MYO5B: variants seen among roughly 807,000 people sequenced by gnomAD.
MYO5B encodes unconventional myosin-Vb.
In MYO5B, 143 loss-of-function variants were observed where a neutral mutation model predicts 229.3. The ratio of observed to expected loss-of-function variants is 0.62; its 90% CI spans 0.54 to 0.72. The LOEUF (loss-of-function observed/expected upper bound fraction) is 0.72. Ranked by LOEUF, MYO5B falls within the 30% of genes least tolerant of loss-of-function variation. The probability of loss-of-function intolerance (pLI) is 0.00; values close to 1 mark genes in which losing one functional copy is unlikely to be tolerated. For synonymous variants in MYO5B, 918 were observed against 885.2 expected (o/e 1.04, Z -0.66); for missense variants, 2,321 against 2,331.0 (o/e 1.00, Z 0.09).
At chr18:49,972,074 C>A (rs2144276979) in intron 10 of MYO5B, among the ~76,000 whole-genome samples, 1 of 152,194 alleles carries the variant, frequency 6.6e-6, no homozygotes, top group East Asian at 1.9e-4. Flanking sequence ...TCAAAGGAGC[C>A]CGGAAGCCAC....
intron 4 of MYO5B, among the ~76,000 whole-genome samples, chr18:50,023,664 A>C (rs1218069818): frequency 1.3e-5 from 2 of 152,240 alleles, no homozygotes; most frequent in Non-Finnish European, 2.9e-5. Flanking sequence ...GGAAGAGTTT[A>C]GCTTAGAGAA....
At chr18:49,849,728 G>C (rs1358874297) in intron 31 of MYO5B, 68 bp from the exon 32 acceptor site, 1 of 1,304,236 alleles carries the variant, frequency 7.7e-7, no homozygotes. Context: ...GTAAAATCCT[G>C]CTTGCAGTTG....
chr18:49,978,041 A>T (rs2025771348), intron 9 of MYO5B, among the ~76,000 whole-genome samples: 1 of 152,134 alleles, frequency 6.6e-6, no homozygotes, highest in Admixed American at 6.5e-5. Flanking sequence ...ATTGCAGAAC[A>T]ATGGAAGACC....
At chr18:50,115,636 C>G (rs1263872151) in intron 1 of MYO5B, among the ~76,000 whole-genome samples, 1 of 151,794 alleles carries the variant, frequency 6.6e-6, no homozygotes, top group Non-Finnish European at 1.5e-5. Context: ...TGATCAAATC[C>G]CCTTATGGTG....
rs149168886 is a variant in MYO5B, at chr18:49,898,574, T to C, written c.2812-3400A>G. On this transcript the variant is annotated intron_variant, in intron 21 of 39. Coordinates refer to ENST00000285039, the MANE Select transcript of MYO5B (RefSeq NM_001080467.3). ...CAAGAAATGGTCTCAAGAACCAGCA[T>C]TGTATATATCACCGTAGGATATGGT... Among the ~76,000 whole-genome samples the C allele has an allele frequency of 1.1e-4, 16 of 152,256 alleles. No homozygotes were observed. The South Asian group carries it at 2.7e-3, about 26-fold the overall frequency.
intron 27 of MYO5B, among the ~76,000 whole-genome samples, chr18:49,866,643 C>T (rs1280368880): frequency 1.3e-5 from 2 of 152,200 alleles, no homozygotes. Context: ...CTATGCCATT[C>T]CAGTTGGAGA....
intron 14 of MYO5B, among the ~76,000 whole-genome samples, chr18:49,944,174 T>C (rs1348309978): frequency 6.6e-6 from 1 of 152,104 alleles, no homozygotes; most frequent in African/African-American, 2.4e-5. Context: ...ACACATGAAC[T>C]CCTCCAAGCC....
chr18:50,024,749 C>A (rs2026312523), intron 4 of MYO5B, among the ~76,000 whole-genome samples: 1 of 152,156 alleles, frequency 6.6e-6, no homozygotes, highest in Non-Finnish European at 1.5e-5. Flanking sequence ...GCACTGCCTG[C>A]AGACCTTTCT....
At chr18:50,122,595 G>GGA (rs1297463236) in intron 1 of MYO5B, among the ~76,000 whole-genome samples, 4 of 93,532 alleles carry the variant, frequency 4.3e-5, no homozygotes, top group African/African-American at 1.4e-4. Flanking sequence ...GAAGAGAGGG[G>GGA]GAGAGAGAGA....
chr18:50,014,619 T>G (rs549963583), intron 4 of MYO5B, among the ~76,000 whole-genome samples: 28 of 152,304 alleles, frequency 1.8e-4, no homozygotes, highest in African/African-American at 6.5e-4. Flanking sequence ...CTTACAGATC[T>G]GTCAGAGCTT....
At chr18:50,079,415 T>C (rs2031161372) in intron 1 of MYO5B, among the ~76,000 whole-genome samples, 1 of 152,196 alleles carries the variant, frequency 6.6e-6, no homozygotes, top group Non-Finnish European at 1.5e-5. Flanking sequence ...AAGATGGGGA[T>C]GAGAGCATCC....
rs902996684 is a variant in MYO5B, at chr18:50,194,856, C to G, written c.-63G>C. On this transcript the variant is annotated 5_prime_UTR_variant, in exon 1 of 40. Transcript: ENST00000285039. ...CTGCCCCGCGGCTCTCAGTCCGCGG[C>G]TGGCCCGCCTGGCGCCATGTTCCCG... The G allele has an allele frequency of 1.1e-5, 14 of 1,247,170 alleles. No individual in the cohort carries two copies. The highest frequency in any genetic ancestry group is 1.4e-5 in the Non-Finnish European group (14 of 998,924). The allele number at this position is 1,247,170 out of a possible 1,614,324, so 77.3% of individuals were successfully genotyped here. A position where few individuals can be genotyped will look rare whatever the true frequency, so the allele number is the denominator to read the frequency against.
chr18:50,029,587 A>C (rs914821413), intron 4 of MYO5B, among the ~76,000 whole-genome samples: 1 of 152,204 alleles, frequency 6.6e-6, no homozygotes, highest in African/African-American at 2.4e-5. Flanking sequence ...GACCTCCCCA[A>C]GGATTCCACC....
rs4042094 is a variant in MYO5B, at chr18:50,188,785, TAAAAAAAAAAAAAAA to T, written c.27+5967_27+5981del. Reference sequence around the variant, plus strand: ...CTGGTGACACAGTGAGACTCTGTCATAAAAAAAAAAAAAAAAAAAAAAAAAAAAAAAACACACACA... The same window carrying T: ...CTGGTGACACAGTGAGACTCTGTCATAAAAAAAAAAAAAAAAACACACACA... On this transcript the variant is annotated intron_variant, in intron 1 of 39. Coordinates refer to ENST00000285039, the MANE Select transcript of MYO5B (RefSeq NM_001080467.3). Among the ~76,000 whole-genome samples, 525 of 105,152 alleles carry T rather than the reference TAAAAAAAAAAAAAAA, an allele frequency of 5.0e-3. 5 individuals carry two copies. Among genetic ancestry groups the T allele is most frequent in the African/African-American group, 0.018 (475 of 26,250 alleles). The allele number at this position is 105,152 out of a possible 152,430, so 69.0% of individuals were successfully genotyped here. A position where few individuals can be genotyped will look rare whatever the true frequency, so the allele number is the denominator to read the frequency against.
At chr18:49,978,616 A>G (rs1363804399) in intron 9 of MYO5B, among the ~76,000 whole-genome samples, 6 of 151,800 alleles carry the variant, frequency 4.0e-5, no homozygotes, top group Non-Finnish European at 8.8e-5. Context: ...GATGCTGGTG[A>G]TAGACTAAAG....
chr18:49,965,399 C>A (rs1193761855), intron 10 of MYO5B, among the ~76,000 whole-genome samples: 1 of 151,884 alleles, frequency 6.6e-6, no homozygotes, highest in Non-Finnish European at 1.5e-5. Flanking sequence ...AAGAGATGGA[C>A]ATTTTCCATC....
In MYO5B at chr18:49,826,207, G is replaced by T. The variant is rs1374051202; in HGVS notation, c.*264C>A. 4.4e-6 allele frequency: 2 copies of T among 459,750 alleles called. No homozygotes were observed. Among genetic ancestry groups the T allele is most frequent in the African/African-American group, 4.0e-5 (2 of 50,274 alleles). The allele number at this position is 459,750 out of a possible 1,614,324, so 28.5% of individuals were successfully genotyped here. On this transcript the variant is annotated 3_prime_UTR_variant, in exon 40 of 40. Transcript: ENST00000285039. ...TTTTATATGTCTATGGGGACTGCTT[G>T]GTGTCTATAAATTATGTATATGTGT...
intron 16 of MYO5B, among the ~76,000 whole-genome samples, chr18:49,932,624 G>A (rs1365674936): frequency 6.6e-6 from 1 of 152,056 alleles, no homozygotes; most frequent in African/African-American, 2.4e-5. Context: ...CAACATATCT[G>A]CCCAACTATA....
At chr18:50,143,695 G>GA (rs2032453856) in intron 1 of MYO5B, among the ~76,000 whole-genome samples, 1 of 152,098 alleles carries the variant, frequency 6.6e-6, no homozygotes, top group South Asian at 2.1e-4. Context: ...ATTTGTTAAG[G>GA]AAAAAAATAT....
Sources: gnomAD v4.1 joint callset for allele counts (sites outside exome capture counted in the v4.1 genomes callset) on GRCh38, gnomAD v4.1.1 for gene constraint, MANE v1.5 for transcripts, NCBI Gene and HGNC (gene_info 2026-07-23, HGNC 2026-07-21) for gene names.